The following CCL25 variants were observed in gnomAD, a reference collection of about 807,000 sequenced individuals.
CCL25 encodes C-C motif chemokine ligand 25, also known as C-C motif chemokine 25.
In CCL25, 14 loss-of-function variants were observed where a neutral mutation model predicts 19.9. That is an observed-to-expected ratio of 0.70 (90% CI 0.47 to 1.10). The LOEUF is 1.10. Among genes scored for constraint, CCL25 ranks in the 50% least tolerant of loss-of-function variants. CCL25 has a pLI of 0.00. For missense variants in CCL25, 151 were observed against 181.2 expected, an observed-to-expected ratio of 0.83 and a Z score of 0.96; for synonymous variants, 68 against 73.2, an observed-to-expected ratio of 0.93 and a Z score of 0.36.
chr19:8,055,860 C>T (rs779359330), intron 2 of CCL25, among the ~76,000 whole-genome samples: 4 of 152,108 alleles, frequency 2.6e-5, no homozygotes, highest in Non-Finnish European at 5.9e-5. Flanking sequence ...TCCGAGTCAC[C>T]CTTTTCCCCA....
intron 2 of CCL25, among the ~76,000 whole-genome samples, chr19:8,055,453 A>G (rs1228784060): frequency 4.7e-5 from 7 of 150,314 alleles, no homozygotes; most frequent in Admixed American, 4.6e-4. Flanking sequence ...CTCCTGCCTC[A>G]GCCTCCCGAG....
intron 2 of CCL25, among the ~76,000 whole-genome samples, chr19:8,055,812 A>G (rs2081266968): frequency 1.3e-5 from 2 of 152,056 alleles, no homozygotes; most frequent in Non-Finnish European, 2.9e-5. Flanking sequence ...TTGGCTGGGG[A>G]GGGGTGGTGT....
chr19:8,056,208 C>T lies in CCL25; in HGVS notation c.130C>T (p.Arg44Trp), dbSNP rs143413416. The change falls in exon 3 of 6, where the codon CGG becomes TGG. Residue 44 changes from arginine (R) to tryptophan (W), a missense_variant. Transcript: ENST00000315626. ...YHYPIGWAVL[R>W]RAWTYRIQEV... ...CTACCCCATTGGGTGGGCTGTGCTCCGGCGCGCCTGGACTTACCGGATCCA... is the reference window on the plus strand; with the variant it reads ...CTACCCCATTGGGTGGGCTGTGCTCTGGCGCGCCTGGACTTACCGGATCCA... The T allele has an allele frequency of 2.2e-3, 3,485 of 1,555,054 alleles. 56 individuals are homozygous for T. In the African/African-American group the frequency reaches 0.036, roughly 16 times the overall value.
chr19:8,058,296 A>G (rs1369354770), intron 5 of CCL25, among the ~76,000 whole-genome samples: 1 of 138,098 alleles, frequency 7.2e-6, no homozygotes, highest in African/African-American at 2.7e-5. Context: ...TATATAATAT[A>G]TAAACATATA....
In CCL25 at chr19:8,062,387, G is replaced by A. The variant is rs2081324580; in HGVS notation, c.*162G>A. 2.9e-6 allele frequency: 2 copies of A among 688,954 alleles called. No individual in the cohort carries two copies. Among genetic ancestry groups the A allele is most frequent in the African/African-American group, 1.8e-5 (1 of 55,856 alleles). 42.7% of individuals were successfully genotyped at this position (688,954 alleles called of 1,614,324 possible). Reference sequence around the variant, plus strand: ...TCCCTCTGCACCCCCACCACCTCCTGCCCGTCTGGCAACTGGAAAGAGGGA... The same window carrying A: ...TCCCTCTGCACCCCCACCACCTCCTACCCGTCTGGCAACTGGAAAGAGGGA... On this transcript the variant is annotated 3_prime_UTR_variant, in exon 6 of 6. Transcript: ENST00000315626.
chr19:8,062,129 G>T, intron 5 of CCL25, 89 bp from the exon 6 acceptor site: 1 of 1,279,202 alleles, frequency 7.8e-7, no homozygotes, highest in South Asian at 1.2e-5. Flanking sequence ...TTTAGGAGCT[G>T]TAGGGACTGG....
chr19:8,056,302 G>GCCCCC, intron 3 of CCL25, 33 bp downstream of exon 3: 3 of 593,344 alleles, frequency 5.1e-6, no homozygotes, highest in Non-Finnish European at 6.4e-6. Context: ...GGGGGGTGGG[G>GCCCCC]TGCACACACA....
chr19:8,052,542 G>A (rs1334408049), upstream of CCL25, among the ~76,000 whole-genome samples: 3 of 151,780 alleles, frequency 2.0e-5, no homozygotes, highest in Non-Finnish European at 4.4e-5. Flanking sequence ...AGGGGAAAAG[G>A]CCCTTTCTGG....
intron 1 of CCL25, 34 bp from the exon 2 acceptor site, chr19:8,052,966 C>A: frequency 1.1e-6 from 1 of 896,612 alleles, no homozygotes; most frequent in Non-Finnish European, 1.7e-6. Context: ...CCCTCCTCTT[C>A]CTCAGTCCTT....
intron 2 of CCL25, among the ~76,000 whole-genome samples, chr19:8,055,830 T>C (rs1450111578): frequency 1.3e-5 from 2 of 152,006 alleles, no homozygotes. Context: ...TGTTGGCCCC[T>C]CCTCACAGTG....
At chr19:8,058,141 G>C (rs1475555689) in intron 5 of CCL25, among the ~76,000 whole-genome samples, 4 of 151,640 alleles carry the variant, frequency 2.6e-5, no homozygotes, top group Non-Finnish European at 5.9e-5. Flanking sequence ...TAAAGCCCCA[G>C]GGGAGTGGCC....
chr19:8,054,965 T>C (rs1160197975), intron 2 of CCL25, among the ~76,000 whole-genome samples: 1 of 149,820 alleles, frequency 6.7e-6, no homozygotes, highest in Non-Finnish European at 1.5e-5. Flanking sequence ...GTGATTCTCC[T>C]GCCTCAGCCT....
rs2081325206 is a variant in CCL25, at chr19:8,062,487, A to G, written c.*262A>G. 3.8e-6 allele frequency: 2 copies of G among 526,786 alleles called. No homozygotes were observed. Among genetic ancestry groups the G allele is most frequent in the East Asian group, 6.3e-5 (2 of 31,936 alleles). 32.6% of individuals were successfully genotyped at this position (526,786 alleles called of 1,614,324 possible). Reference sequence around the variant, plus strand: ...TGGGCAGCCAGTGGCTCTTGTAGAGAAGACTTAGGATACCTCTCTCACTTT... The same window carrying G: ...TGGGCAGCCAGTGGCTCTTGTAGAGGAGACTTAGGATACCTCTCTCACTTT... On this transcript the variant is annotated 3_prime_UTR_variant, in exon 6 of 6. Transcript: ENST00000315626.
chr19:8,060,232 T>C (rs2081308428), intron 5 of CCL25, among the ~76,000 whole-genome samples: 1 of 151,654 alleles, frequency 6.6e-6, no homozygotes, highest in African/African-American at 2.4e-5. Context: ...TTTCAGCTGC[T>C]TGGGAGGCTG....
At chr19:8,058,335 AATAT>A (rs55672037) in intron 5 of CCL25, among the ~76,000 whole-genome samples, 220 of 88,032 alleles carry the variant, frequency 2.5e-3, no homozygotes, top group Non-Finnish European at 5.2e-3. Context: ...ATAATATATA[AATAT>A]ATATAATATA....
rs548837472 is a variant in CCL25, at chr19:8,055,489, C to A, written c.74-663C>A. Among the ~76,000 whole-genome samples the A allele has an allele frequency of 9.9e-4, 150 of 151,616 alleles. 1 individual carries two copies. In the South Asian group the frequency reaches 0.029, roughly 29 times the overall value. The stretch of plus-strand genomic sequence containing the variant: ...TAGCTGGGACTCCAGGCGCCCACCA[C>A]CACACCCGGCTAATTTTTATATTTT... On this transcript the variant is annotated intron_variant, in intron 2 of 5. Coordinates refer to ENST00000315626, the MANE Select transcript of CCL25 (RefSeq NM_005624.4).
chr19:8,059,803 A>C (rs1006924138), intron 5 of CCL25, among the ~76,000 whole-genome samples: 1 of 152,140 alleles, frequency 6.6e-6, no homozygotes, highest in African/African-American at 2.4e-5. Flanking sequence ...AATTGAGCCC[A>C]GGATGGCCGG....
At chr19:8,053,265 G>C (rs1001629790) in intron 2 of CCL25, 143 bp downstream of exon 2, 2 of 527,498 alleles carry the variant, frequency 3.8e-6, no homozygotes, top group East Asian at 3.2e-5. Flanking sequence ...GGAACTCCTG[G>C]TGTTTGGTTA....
chr19:8,056,229 A>G lies in CCL25; in HGVS notation c.151A>G (p.Ile51Val), dbSNP rs2081270687. The G allele has an allele frequency of 6.4e-7, 1 of 1,559,514 alleles. No individual in the cohort carries two copies. The highest frequency in any genetic ancestry group is 1.4e-5 in the African/African-American group (1 of 70,036). Residue 51 changes from isoleucine (I) to valine (V), a missense_variant, in exon 3 of 6, where the codon ATC (isoleucine) becomes GTC (valine). By Grantham distance (29) the Ile-to-Val change is conservative. Coordinates refer to ENST00000315626, the MANE Select transcript of CCL25 (RefSeq NM_005624.4). The stretch of plus-strand genomic sequence containing the variant: ...GCTCCGGCGCGCCTGGACTTACCGG[A>G]TCCAGGAGGTGAGCGGGAGCTGCAA... Reference protein sequence around the residue: ...AVLRRAWTYRIQEVSGSCNLP... With the variant: ...AVLRRAWTYRVQEVSGSCNLP...
Sources: allele counts gnomAD v4.1 joint callset (sites outside exome capture counted in the v4.1 genomes callset), GRCh38; gene constraint gnomAD v4.1.1; transcripts MANE v1.5; gene names NCBI Gene and HGNC (gene_info 2026-07-23, HGNC 2026-07-21).